The following MECOM variants were observed in gnomAD, a reference collection of about 807,000 sequenced individuals.
MECOM encodes the protein histone-lysine N-methyltransferase MECOM.
MECOM carries 13 observed loss-of-function variants against 116.3 expected under a neutral mutation model. That is an observed-to-expected ratio of 0.11 (90% CI 0.07 to 0.18). The LOEUF (loss-of-function observed/expected upper bound fraction) is 0.18, where lower values mean the gene tolerates loss of function less well. Among genes scored for constraint, MECOM ranks in the 10% least tolerant of loss-of-function variants. The probability of loss-of-function intolerance (pLI) is 1.00; values close to 1 mark genes in which losing one functional copy is unlikely to be tolerated. For synonymous variants in MECOM, 528 were observed against 535.2 expected, an observed-to-expected ratio of 0.99 and a Z score of 0.19; for missense variants, 1,299 against 1,509.0, an observed-to-expected ratio of 0.86 and a Z score of 2.31.
chr3:169,345,863 T>C (rs1010832063), intron 2 of MECOM, among the ~76,000 whole-genome samples: 1 of 152,082 alleles, frequency 6.6e-6, no homozygotes, highest in African/African-American at 2.4e-5. Flanking sequence ...CAAGGAAATA[T>C]CTGCATACAC....
intron 1 of MECOM, among the ~76,000 whole-genome samples, chr3:169,407,907 G>T (rs1736950580): frequency 1.3e-5 from 2 of 152,144 alleles, no homozygotes. Flanking sequence ...ACATTGACAT[G>T]CAAAATCCAA....
chr3:169,227,200 A>C (rs1752836304), intron 2 of MECOM, among the ~76,000 whole-genome samples: 1 of 152,230 alleles, frequency 6.6e-6, no homozygotes, highest in African/African-American at 2.4e-5. Context: ...AAAAAGGACT[A>C]GATCATTTTT....
chr3:169,147,754 A>ATG (rs149268884), intron 2 of MECOM: 44 of 873,370 alleles, frequency 5.0e-5, no homozygotes, highest in Admixed American at 1.4e-4. Context: ...GTGTGTGTGC[A>ATG]TGTGTGTGTG....
chr3:169,194,709 A>G (rs1190605654), intron 2 of MECOM, among the ~76,000 whole-genome samples: 1 of 152,044 alleles, frequency 6.6e-6, no homozygotes, highest in Non-Finnish European at 1.5e-5. Flanking sequence ...AATCACCAGG[A>G]GTCCTAGTGC....
intron 1 of MECOM, among the ~76,000 whole-genome samples, chr3:169,384,541 T>C (rs908684026): frequency 9.2e-5 from 14 of 152,200 alleles, no homozygotes; most frequent in African/African-American, 3.4e-4. Flanking sequence ...ACTGTAACAT[T>C]CAACTACTGC....
At chr3:169,424,577 A>G (rs1394990884) in intron 1 of MECOM, among the ~76,000 whole-genome samples, 4 of 152,200 alleles carry the variant, frequency 2.6e-5, no homozygotes, top group Non-Finnish European at 5.9e-5. Context: ...TGAAGGGTAC[A>G]CAATGTGAAA....
chr3:169,457,440 G>A (rs1012643248), intron 1 of MECOM, among the ~76,000 whole-genome samples: 1 of 152,166 alleles, frequency 6.6e-6, no homozygotes, highest in Non-Finnish European at 1.5e-5. Flanking sequence ...TACTTAAAGG[G>A]AGAAGAGACA....
At chr3:169,534,302 G>T (rs1439683599) in intron 1 of MECOM, among the ~76,000 whole-genome samples, 2 of 151,534 alleles carry the variant, frequency 1.3e-5, no homozygotes, top group Admixed American at 1.3e-4. Flanking sequence ...CAACTTTTCA[G>T]ACTAAGATTT....
intron 1 of MECOM, among the ~76,000 whole-genome samples, chr3:169,423,173 G>C (rs1173966056): frequency 1.3e-5 from 2 of 152,156 alleles, no homozygotes; most frequent in East Asian, 1.9e-4. Context: ...ATCATACTTT[G>C]AGTAGCAAGA....
chr3:169,371,046 A>G (rs1282720639), intron 2 of MECOM, among the ~76,000 whole-genome samples: 2 of 152,036 alleles, frequency 1.3e-5, no homozygotes, highest in African/African-American at 4.8e-5. Flanking sequence ...CGCCATCTCA[A>G]TGAGATGTCT....
intron 2 of MECOM, among the ~76,000 whole-genome samples, chr3:169,264,723 A>T (rs920539447): frequency 6.6e-6 from 1 of 152,194 alleles, no homozygotes; most frequent in African/African-American, 2.4e-5. Flanking sequence ...CACTGTCCAA[A>T]TTACCACATA....
At chr3:169,559,859 T>C (rs1457237782) in intron 1 of MECOM, among the ~76,000 whole-genome samples, 1 of 152,186 alleles carries the variant, frequency 6.6e-6, no homozygotes, top group Non-Finnish European at 1.5e-5. Flanking sequence ...GGAAAATGCT[T>C]TCTGAGTTCT....
At chr3:169,241,488 T>C (rs575971867) in intron 2 of MECOM, among the ~76,000 whole-genome samples, 1 of 152,320 alleles carries the variant, frequency 6.6e-6, no homozygotes, top group East Asian at 1.9e-4. Context: ...AATCCGAAAC[T>C]ATTCATTTTG....
chr3:169,541,234 A>G lies in MECOM; in HGVS notation c.37+122102T>C, dbSNP rs541966352. Among the ~76,000 whole-genome samples the G allele has an allele frequency of 2.8e-4, 43 of 152,324 alleles. No individual in the cohort carries two copies. The South Asian group carries it at 8.7e-3, about 31-fold the overall frequency. Reference sequence around the variant, plus strand: ...GCCCTAGGACTATACTATGAGGGGCAATGTTTTAGAACTTGATCATGAAAC... The same window carrying G: ...GCCCTAGGACTATACTATGAGGGGCGATGTTTTAGAACTTGATCATGAAAC... On this transcript the variant is annotated intron_variant, in intron 1 of 16. Coordinates refer to ENST00000651503, the MANE Select transcript of MECOM (RefSeq NM_004991.4).
At chr3:169,639,503 AT>A (rs759423871) in intron 1 of MECOM, among the ~76,000 whole-genome samples, 20 of 152,244 alleles carry the variant, frequency 1.3e-4, no homozygotes, top group Non-Finnish European at 2.8e-4. Context: ...AACATTAAGA[AT>A]AATAGAACCA....
chr3:169,222,220 A>T (rs1401755459), intron 2 of MECOM, among the ~76,000 whole-genome samples: 1 of 152,224 alleles, frequency 6.6e-6, no homozygotes, highest in Non-Finnish European at 1.5e-5. Flanking sequence ...CTGAGGTCCA[A>T]CATAATCTGA....
At chr3:169,660,813 A>G (rs958713202) in intron 1 of MECOM, among the ~76,000 whole-genome samples, 7 of 152,202 alleles carry the variant, frequency 4.6e-5, no homozygotes, top group Non-Finnish European at 7.3e-5. Context: ...TGTAGTTTTA[A>G]TATGATTTCC....
At chr3:169,135,792 G>A (rs2149240509) in intron 3 of MECOM, among the ~76,000 whole-genome samples, 1 of 151,696 alleles carries the variant, frequency 6.6e-6, no homozygotes, top group African/African-American at 2.4e-5. Flanking sequence ...TTGGATCTCT[G>A]GATACCTCAA....
intron 2 of MECOM, among the ~76,000 whole-genome samples, chr3:169,291,449 G>A (rs1714535130): frequency 6.6e-6 from 1 of 152,036 alleles, no homozygotes; most frequent in African/African-American, 2.4e-5. Flanking sequence ...AATTCCTCAG[G>A]AAATTCTCAA....
Sources: allele counts gnomAD v4.1 joint callset (sites outside exome capture counted in the v4.1 genomes callset), GRCh38; gene constraint gnomAD v4.1.1; transcripts MANE v1.5; gene names NCBI Gene and HGNC (gene_info 2026-07-23, HGNC 2026-07-21).